Variants in NPHP3 observed in about 807,000 individuals in gnomAD.
The protein encoded by NPHP3 is nephrocystin 3.
NPHP3 carries 123 observed loss-of-function variants against 171.9 expected under a neutral mutation model. The observed-to-expected ratio is 0.72, with a 90% CI of 0.62 to 0.83. The LOEUF (loss-of-function observed/expected upper bound fraction) is 0.83, where lower values mean the gene tolerates loss of function less well. Ranked by LOEUF, NPHP3 falls within the 40% of genes least tolerant of loss-of-function variation. The pLI, the probability that NPHP3 is intolerant of heterozygous loss-of-function variation, is 0.00. For synonymous variants in NPHP3, 558 were observed against 579.2 expected, an observed-to-expected ratio of 0.96 and a Z score of 0.52; for missense variants, 1,506 against 1,591.9, an observed-to-expected ratio of 0.95 and a Z score of 0.92.
chr3:132,696,902 C>G, intron 14 of NPHP3, 89 bp from the exon 15 acceptor site: 1 of 997,950 alleles, frequency 1.0e-6, no homozygotes, highest in South Asian at 1.3e-5. Flanking sequence ...TCAACAAGTA[C>G]CCCGACAGAA....
At position 132,699,404 on chromosome 3, in the gene NPHP3, T is replaced by C; in HGVS notation, c.1934A>G (p.Asn645Ser). Residue 645 changes from asparagine to serine, a missense_variant, in exon 13 of 27, where the codon AAT (asparagine) becomes AGT (serine). Transcript: ENST00000337331. ...MKWLIDPLPV[N>S]VRVIVSVNVE... ...ATTCACAGAAACAATTACTCTTACATTCACTGGCAGTGGATCTATCAGCCA... is the reference window on the plus strand; with the variant it reads ...ATTCACAGAAACAATTACTCTTACACTCACTGGCAGTGGATCTATCAGCCA... The C allele has an allele frequency of 1.2e-6, 2 of 1,612,784 alleles. No homozygotes were observed. Among genetic ancestry groups the C allele is most frequent in the Admixed American group, 1.7e-5 (1 of 60,026 alleles).
At chr3:132,711,284 C>T (rs995383425) in intron 6 of NPHP3, among the ~76,000 whole-genome samples, 1 of 151,978 alleles carries the variant, frequency 6.6e-6, no homozygotes, top group African/African-American at 2.4e-5. Flanking sequence ...AAATAATAAG[C>T]AACTGGAATA....
At position 132,718,987 on chromosome 3, in the gene NPHP3, C is replaced by T; in HGVS notation, c.670+7G>A. ...AAGCTCAAAATATAAATAGGATATA[C>T]ACTTACCAGTGACATCTGTACAGTT... On this transcript the variant is annotated splice_region_variant and intron_variant, in intron 3 of 26. Coordinates refer to ENST00000337331, the MANE Select transcript of NPHP3 (RefSeq NM_153240.5). The T allele has an allele frequency of 6.2e-7, 1 of 1,613,992 alleles. No homozygotes were observed. The highest frequency in any genetic ancestry group is 1.1e-5 in the South Asian group (1 of 91,070).
intron 12 of NPHP3, 67 bp downstream of exon 12, chr3:132,699,851 C>T (rs868459941): frequency 6.6e-7 from 1 of 1,504,200 alleles, no homozygotes. Context: ...TAAATGCCTG[C>T]TCTAGCTATT....
intron 9 of NPHP3, 120 bp downstream of exon 9, chr3:132,704,078 C>A (rs895639757): frequency 4.0e-5 from 40 of 997,508 alleles, no homozygotes; most frequent in South Asian, 2.9e-4. Context: ...GATAATCAAG[C>A]CATGAGATTA....
chr3:132,699,590 T>C (rs528824943), intron 12 of NPHP3, 140 bp from the exon 13 acceptor site: 7 of 714,136 alleles, frequency 9.8e-6, no homozygotes, highest in Admixed American at 2.8e-5. Context: ...TGATTTATTT[T>C]AGAATTTTAA....
intron 10 of NPHP3, 92 bp downstream of exon 10, chr3:132,701,338 C>A: frequency 1.2e-6 from 1 of 834,466 alleles, no homozygotes; most frequent in Non-Finnish European, 2.0e-6. Flanking sequence ...TTAGTGTAGG[C>A]CGCGCAGGAA....
intron 9 of NPHP3, among the ~76,000 whole-genome samples, chr3:132,702,085 T>C (rs941398985): frequency 4.6e-5 from 7 of 152,110 alleles, no homozygotes; most frequent in African/African-American, 1.7e-4. Context: ...ACATGTAGTA[T>C]TGCTGTAAAT....
intron 3 of NPHP3, chr3:132,717,816 G>T (rs1940096922): frequency 6.4e-6 from 1 of 156,362 alleles, no homozygotes; most frequent in Non-Finnish European, 1.3e-5. Flanking sequence ...GGAGTGCGGT[G>T]GCGCGATCTT....
Position 132,708,197 on chromosome 3 carries a change from T to A in NPHP3, c.1179A>T (p.Leu393Phe). The A allele has an allele frequency of 3.7e-6, 6 of 1,614,120 alleles. No homozygotes were observed. Among genetic ancestry groups the A allele is most frequent in the Non-Finnish European group, 5.1e-6 (6 of 1,179,920 alleles). Residue 393 changes from leucine to phenylalanine, a missense_variant, in exon 7 of 27, where the codon TTA (leucine) becomes TTT (phenylalanine). Transcript: ENST00000337331. ...FLKNPEGKPR[L>F]IFHRLEDGKV... ...TTCCATCTTCCAAACGATGAAAGAT[T>A]AATCGAGGTTTTCCTTCAGGGTTTT... is the stretch of plus-strand genomic sequence containing the variant.
rs1265262745 is a variant in NPHP3, at chr3:132,680,860, T to C, written c.*1050A>G. On this transcript the variant is annotated 3_prime_UTR_variant, in exon 27 of 27. Coordinates refer to ENST00000337331, the MANE Select transcript of NPHP3 (RefSeq NM_153240.5). ...TAAATGAAGAGACAGATTTAGGCCA[T>C]CTAAGAAGGAAGATAAAGGAGAATG... 6.6e-6 allele frequency: 1 copy of C among 152,180 alleles called. No homozygotes were observed. The highest frequency in any genetic ancestry group is 1.5e-5 in the Non-Finnish European group (1 of 68,034). The allele number at this position is 152,180 out of a possible 1,614,324, so 9.4% of individuals were successfully genotyped here.
At chr3:132,691,105 T>A in intron 18 of NPHP3, 87 bp downstream of exon 18, 1 of 1,024,842 alleles carries the variant, frequency 9.8e-7, no homozygotes, top group East Asian at 2.4e-5. Context: ...TTTTGTACTT[T>A]AAGTTGTAAG....
chr3:132,715,232 T>G lies in NPHP3; in HGVS notation c.824-14A>C, dbSNP rs1199117447. 1.9e-6 allele frequency: 3 copies of G among 1,610,472 alleles called. No homozygotes were observed. Among genetic ancestry groups the G allele is most frequent in the Non-Finnish European group, 2.5e-6 (3 of 1,177,248 alleles). On this transcript the variant is annotated splice_polypyrimidine_tract_variant and intron_variant, in intron 4 of 26. Transcript: ENST00000337331. ...TATCCCAGTCATCTGAAAATAAAAT[T>G]TCTCAAGTTCATGAAAAAATTACCA...
rs773079895 is a variant in NPHP3 at position 132,690,563 on chromosome 3, A to G, written c.2658T>C (p.Leu886=). The G allele has an allele frequency of 7.4e-6, 12 of 1,613,696 alleles. No individual in the cohort carries two copies. The highest frequency in any genetic ancestry group is 3.3e-5 in the South Asian group (3 of 91,068). ...GGTTTTGAGACACAAAGAGATTAAG[A>G]AGGCAATCATGCAGCTTCTGTTTAC... ...QGSKQKLHDC[L]LNLFVSQNLY... Residue 886 remains leucine, a synonymous_variant, in exon 19 of 27, where the codon CTT becomes CTC. Transcript: ENST00000337331.
intron 3 of NPHP3, chr3:132,717,860 T>A (rs1240559636): frequency 9.8e-6 from 2 of 204,630 alleles, no homozygotes; most frequent in Non-Finnish European, 1.9e-5. Context: ...TGGGTTCAAG[T>A]GATTTTCCTG....
chr3:132,683,379 G>A lies in NPHP3; in HGVS notation c.3696+20C>T, dbSNP rs773940041. On this transcript the variant is annotated intron_variant, in intron 25 of 26. Coordinates refer to ENST00000337331, the MANE Select transcript of NPHP3 (RefSeq NM_153240.5). The stretch of plus-strand genomic sequence containing the variant: ...CCATAAAATCATTCACTGATACAAC[G>A]TTAAAATATGGGAACTTACCATTTG... The A allele has an allele frequency of 2.1e-5, 34 of 1,607,182 alleles. No individual in the cohort carries two copies. Among genetic ancestry groups the A allele is most frequent in the Admixed American group, 3.3e-5 (2 of 59,944 alleles).
chr3:132,707,835 T>C (rs1373363158), intron 7 of NPHP3, among the ~76,000 whole-genome samples: 1 of 152,160 alleles, frequency 6.6e-6, no homozygotes, highest in Non-Finnish European at 1.5e-5. Context: ...TGTCAGATGA[T>C]CACGCCAGCC....
chr3:132,698,892 C>A lies in NPHP3; in HGVS notation c.1985+461G>T, dbSNP rs142240712. 1.7e-3 allele frequency among the ~76,000 whole-genome samples: 258 copies of A among 152,156 alleles called. 1 individual carries two copies. Among genetic ancestry groups the A allele is most frequent in the Non-Finnish European group, 2.5e-3 (167 of 67,942 alleles). On this transcript the variant is annotated intron_variant, in intron 13 of 26. Coordinates refer to ENST00000337331, the MANE Select transcript of NPHP3 (RefSeq NM_153240.5). ...CATCCCAGATCTATCTAACCTCCCC[C>A]CAAATCCCTTTTTTTTTGGAGACAG...
In NPHP3 at chr3:132,686,487, A is replaced by G. The variant is rs188942737; in HGVS notation, c.3202-100T>C. 912 of 1,352,912 alleles carry G rather than the reference A, an allele frequency of 6.7e-4. 3 individuals are homozygous for G. The African/African-American group carries it at 0.012, about 17-fold the overall frequency. 83.8% of individuals were successfully genotyped at this position (1,352,912 alleles called of 1,614,324 possible). ...TCCTAAAAAATCTTCCTTTTTTCCC[A>G]TTTAATCTAGATAACTATTATTTTA... On this transcript the variant is annotated intron_variant, in intron 22 of 26. Coordinates refer to ENST00000337331, the MANE Select transcript of NPHP3 (RefSeq NM_153240.5).
Sources: gnomAD v4.1 joint callset for allele counts (sites outside exome capture counted in the v4.1 genomes callset) on GRCh38, gnomAD v4.1.1 for gene constraint, MANE v1.5 for transcripts, NCBI Gene and HGNC (gene_info 2026-07-23, HGNC 2026-07-21) for gene names.